PCDHGA5: variants seen among roughly 807,000 people sequenced by gnomAD.
The protein encoded by PCDHGA5 is protocadherin gamma-A5.
Under a neutral mutation model 56.7 loss-of-function variants are expected in PCDHGA5, and 36 were observed. The observed-to-expected ratio is 0.64, with a 90% CI of 0.49 to 0.84. The LOEUF (loss-of-function observed/expected upper bound fraction) is 0.84, where lower values mean the gene tolerates loss of function less well. Among genes scored for constraint, PCDHGA5 ranks in the 40% least tolerant of loss-of-function variants. The probability of loss-of-function intolerance (pLI) is 0.00; values close to 1 mark genes in which losing one functional copy is unlikely to be tolerated. For missense variants in PCDHGA5, 1,305 were observed against 1,201.5 expected, an observed-to-expected ratio of 1.09 and a Z score of -1.27; for synonymous variants, 563 against 520.2, an observed-to-expected ratio of 1.08 and a Z score of -1.12.
chr5:141,512,866 AC>A lies in PCDHGA5; in HGVS notation c.*1694del. Reference sequence around the variant, plus strand: ...TATAAGCGCTTCTCTTCGCATAGTCACGTAGCTCCCACCCCACCCTCTTCCT... The same window carrying A: ...TATAAGCGCTTCTCTTCGCATAGTCAGTAGCTCCCACCCCACCCTCTTCCT... On this transcript the variant is annotated 3_prime_UTR_variant, in exon 4 of 4. Transcript: ENST00000518069. 1 of 152,098 alleles carries A rather than the reference AC, an allele frequency of 6.6e-6. No homozygotes were observed. Among genetic ancestry groups the A allele is most frequent in the Non-Finnish European group, 1.5e-5 (1 of 68,034 alleles). 9.4% of individuals were successfully genotyped at this position (152,098 alleles called of 1,614,324 possible).
intron 1 of PCDHGA5, chr5:141,371,841 C>T: frequency 6.2e-7 from 1 of 1,613,716 alleles, no homozygotes; most frequent in Non-Finnish European, 8.5e-7. Context: ...CGACTTGGGA[C>T]CTAATGGCCT....
chr5:141,419,391 G>A, intron 1 of PCDHGA5: 1 of 1,613,630 alleles, frequency 6.2e-7, no homozygotes. Flanking sequence ...AGCGCGCAGA[G>A]CGGGGTGGTG....
intron 1 of PCDHGA5, chr5:141,367,575 T>C (rs1765237338): frequency 7.4e-6 from 1 of 135,240 alleles, no homozygotes. Context: ...TAAATAAATA[T>C]CAGAAAAGTA....
intron 1 of PCDHGA5, among the ~76,000 whole-genome samples, chr5:141,479,992 G>A (rs1336315766): frequency 6.6e-6 from 1 of 152,204 alleles, no homozygotes; most frequent in Non-Finnish European, 1.5e-5. Context: ...CCAACTAGGA[G>A]TCTGTGGCCA....
At position 141,457,403 on chromosome 5, in the gene PCDHGA5, C is replaced by A. The variant is rs550748216; in HGVS notation, c.2422-37404C>A. On this transcript the variant is annotated intron_variant, in intron 1 of 3. Transcript: ENST00000518069. ...GAACTAGCATATTGATTCACATTTT[C>A]ACATTACCCATCCCTTTTTCCCCCC... Among the ~76,000 whole-genome samples, 4 of 152,328 alleles carry A rather than the reference C, an allele frequency of 2.6e-5. No homozygotes were observed. In the East Asian group the frequency reaches 7.7e-4, roughly 29 times the overall value.
intron 1 of PCDHGA5, among the ~76,000 whole-genome samples, chr5:141,386,678 G>A (rs1376452903): frequency 6.6e-6 from 1 of 152,012 alleles, no homozygotes; most frequent in African/African-American, 2.4e-5. Flanking sequence ...CATTTCAGAT[G>A]TACAATCACT....
intron 1 of PCDHGA5, chr5:141,418,613 C>T (rs759701663): frequency 9.9e-6 from 16 of 1,613,892 alleles, no homozygotes; most frequent in Non-Finnish European, 1.4e-5. Context: ...GGTTAGCCTT[C>T]GGGAAGACGT....
intron 1 of PCDHGA5, chr5:141,399,420 C>T (rs1257006819): frequency 1.9e-6 from 3 of 1,614,034 alleles, no homozygotes; most frequent in Non-Finnish European, 2.5e-6. Flanking sequence ...TCTCCTCCAG[C>T]ATAAGCGTCA....
intron 1 of PCDHGA5, chr5:141,379,021 G>A (rs1199097625): frequency 6.6e-6 from 1 of 152,192 alleles, no homozygotes; most frequent in Admixed American, 6.5e-5. Context: ...TCATGAGTTG[G>A]AAGATTCTAC....
chr5:141,410,332 C>T (rs541138780), intron 1 of PCDHGA5: 2 of 1,614,002 alleles, frequency 1.2e-6, no homozygotes, highest in Non-Finnish European at 1.7e-6. Context: ...TGATTCTGGC[C>T]ATTGCCTTGC....
chr5:141,413,446 G>A, intron 1 of PCDHGA5: 1 of 1,614,130 alleles, frequency 6.2e-7, no homozygotes. Context: ...CTTGATCACC[G>A]CGGGCAGGAT....
intron 1 of PCDHGA5, chr5:141,417,612 T>C: frequency 1.6e-6 from 1 of 617,852 alleles, no homozygotes; most frequent in Non-Finnish European, 2.6e-6. Flanking sequence ...CGTCGGCCAG[T>C]GCAGAGCAAG....
chr5:141,511,560 T>C lies in PCDHGA5; in HGVS notation c.*387T>C. ...CCACCCCACTCCAACAGTTCCTCTT[T>C]CCCGAGTAAGGTGGTTGGGGTGTTG... On this transcript the variant is annotated 3_prime_UTR_variant, in exon 4 of 4. Coordinates refer to ENST00000518069, the MANE Select transcript of PCDHGA5 (RefSeq NM_018918.3). The C allele has an allele frequency of 3.3e-6, 1 of 298,990 alleles. No homozygotes were observed. The highest frequency in any genetic ancestry group is 3.7e-5 in the South Asian group (1 of 27,250). The allele number at this position is 298,990 out of a possible 1,614,324, so 18.5% of individuals were successfully genotyped here.
At chr5:141,451,503 A>G (rs1395798374) in intron 1 of PCDHGA5, among the ~76,000 whole-genome samples, 1 of 152,234 alleles carries the variant, frequency 6.6e-6, no homozygotes, top group African/African-American at 2.4e-5. Flanking sequence ...TAGGGCAACC[A>G]GCTTCTGTTA....
rs1456184444 is a variant in PCDHGA5, at chr5:141,512,578, C to T, written c.*1405C>T. On this transcript the variant is annotated 3_prime_UTR_variant, in exon 4 of 4. Coordinates refer to ENST00000518069, the MANE Select transcript of PCDHGA5 (RefSeq NM_018918.3). ...ATAGACCTTCTTCTCCCACCCCCTT[C>T]TGCCCCTGGGTCCCCGGCCATCCAG... is the stretch of plus-strand genomic sequence containing the variant. 1 of 152,944 alleles carries T rather than the reference C, an allele frequency of 6.5e-6. No homozygotes were observed. The highest frequency in any genetic ancestry group is 1.5e-5 in the Non-Finnish European group (1 of 68,542). 9.5% of individuals were successfully genotyped at this position (152,944 alleles called of 1,614,324 possible). A position where few individuals can be genotyped will look rare whatever the true frequency, so the allele number is the denominator to read the frequency against.
chr5:141,415,848 A>C (rs1222834072), intron 1 of PCDHGA5: 1 of 1,241,178 alleles, frequency 8.1e-7, no homozygotes, highest in Non-Finnish European at 1.0e-6. Context: ...GCTTTGCAGA[A>C]CCTTGTAGTT....
At chr5:141,372,788 TA>T in intron 1 of PCDHGA5, 1 of 1,603,576 alleles carries the variant, frequency 6.2e-7, no homozygotes, top group Admixed American at 1.7e-5. Context: ...AAATGCCTTC[TA>T]ATTCAGGCAA....
At chr5:141,371,932 TG>T (rs1268806943) in intron 1 of PCDHGA5, 1 of 1,612,998 alleles carries the variant, frequency 6.2e-7, no homozygotes, top group South Asian at 1.1e-5. Context: ...CGGAGCGGGG[TG>T]GTGTTCGCGC....
At chr5:141,495,463 G>T (rs1562169154) in intron 2 of PCDHGA5, among the ~76,000 whole-genome samples, 1 of 152,114 alleles carries the variant, frequency 6.6e-6, no homozygotes, top group Non-Finnish European at 1.5e-5. Context: ...TCTGTCTGTG[G>T]GGTCTCCGTG....
Sources: allele counts gnomAD v4.1 joint callset (sites outside exome capture counted in the v4.1 genomes callset), GRCh38; gene constraint gnomAD v4.1.1; transcripts MANE v1.5; gene names NCBI Gene and HGNC (gene_info 2026-07-23, HGNC 2026-07-21).